The following WDR49 variants were observed in gnomAD, a reference collection of about 807,000 sequenced individuals.
WDR49 encodes the protein WD repeat domain 49.
Under a neutral mutation model 119.5 loss-of-function variants are expected in WDR49, and 107 were observed. That is an observed-to-expected ratio of 0.90 (90% CI 0.77 to 1.05). The LOEUF (loss-of-function observed/expected upper bound fraction) is 1.05. Ranked by LOEUF, WDR49 falls within the 50% of genes least tolerant of loss-of-function variation. The probability of loss-of-function intolerance (pLI) is 0.00; values close to 1 mark genes in which losing one functional copy is unlikely to be tolerated. For synonymous variants in WDR49, 425 were observed against 418.8 expected (o/e 1.01, Z -0.18); for missense variants, 1,240 against 1,220.5 (o/e 1.02, Z -0.24).
chr3:167,536,516 T>TA (rs545491428), intron 11 of WDR49, among the ~76,000 whole-genome samples: 16 of 151,496 alleles, frequency 1.1e-4, no homozygotes, highest in African/African-American at 3.6e-4. Flanking sequence ...CCATCTCTAC[T>TA]AAAAATACAA....
intron 15 of WDR49, among the ~76,000 whole-genome samples, chr3:167,524,510 G>A (rs1320416260): frequency 6.6e-6 from 1 of 152,076 alleles, no homozygotes; most frequent in Non-Finnish European, 1.5e-5. Flanking sequence ...TTTTGCCTAG[G>A]TTTTCTTCTA....
chr3:167,561,444 T>C (rs1713266566), intron 8 of WDR49, among the ~76,000 whole-genome samples: 1 of 152,100 alleles, frequency 6.6e-6, no homozygotes. Context: ...ACAGGTGATT[T>C]AAATTTACAG....
chr3:167,481,028 C>T (rs1442249598), intron 18 of WDR49, among the ~76,000 whole-genome samples: 1 of 150,866 alleles, frequency 6.6e-6, no homozygotes, highest in Non-Finnish European at 1.5e-5. Context: ...GATCTCACAT[C>T]CCAGCCTCTT....
At chr3:167,489,513 T>G (rs1336027344) in intron 18 of WDR49, among the ~76,000 whole-genome samples, 1 of 152,104 alleles carries the variant, frequency 6.6e-6, no homozygotes, top group East Asian at 1.9e-4. Flanking sequence ...CACTTCACTT[T>G]ATAGTTGGCT....
chr3:167,554,184 C>T (rs1340708692), intron 10 of WDR49, among the ~76,000 whole-genome samples: 1 of 151,940 alleles, frequency 6.6e-6, no homozygotes, highest in African/African-American at 2.4e-5. Flanking sequence ...AAATGCTCCT[C>T]GAGAAGAGTA....
intron 10 of WDR49, among the ~76,000 whole-genome samples, chr3:167,549,477 T>G (rs992009218): frequency 3.3e-5 from 5 of 152,186 alleles, no homozygotes; most frequent in African/African-American, 1.2e-4. Flanking sequence ...GTCTGTTGGC[T>G]GCATAAATGT....
chr3:167,529,404 ACG>A (rs1424055309), intron 13 of WDR49, among the ~76,000 whole-genome samples, 165 bp from the exon 14 acceptor site: 1 of 152,144 alleles, frequency 6.6e-6, no homozygotes, highest in Non-Finnish European at 1.5e-5. Flanking sequence ...AATGGAGGTG[ACG>A]CTATGATAAC....
intron 18 of WDR49, among the ~76,000 whole-genome samples, chr3:167,488,805 C>G (rs887923130): frequency 6.6e-6 from 1 of 152,062 alleles, no homozygotes; most frequent in Non-Finnish European, 1.5e-5. Context: ...CATGACATGA[C>G]CCCTGAGCCC....
At chr3:167,570,973 C>T (rs1396429315) in intron 8 of WDR49, among the ~76,000 whole-genome samples, 4 of 148,456 alleles carry the variant, frequency 2.7e-5, no homozygotes, top group African/African-American at 5.0e-5. Context: ...TGCGGTGAGC[C>T]GAGATAGCAC....
chr3:167,595,471 C>T (rs1485175042), intron 7 of WDR49, among the ~76,000 whole-genome samples: 2 of 152,180 alleles, frequency 1.3e-5, no homozygotes, highest in Non-Finnish European at 2.9e-5. Context: ...TCAAACTATA[C>T]TACAAGGCTA....
rs564793699 is a variant in WDR49 at position 167,623,875 on chromosome 3, C to T, written c.607-2232G>A. On this transcript the variant is annotated intron_variant, in intron 3 of 18. Transcript: ENST00000682715. ...TTCAGAAAGATGCAGAATATATTAT[C>T]GTTTTTGAAAAATCTATTGTATTTC... Among the ~76,000 whole-genome samples, 5 of 152,012 alleles carry T rather than the reference C, an allele frequency of 3.3e-5. No individual in the cohort carries two copies. The East Asian group carries it at 5.8e-4, about 18-fold the overall frequency.
At chr3:167,629,574 A>G (rs2108329352) in intron 2 of WDR49, among the ~76,000 whole-genome samples, 1 of 152,264 alleles carries the variant, frequency 6.6e-6, no homozygotes, top group South Asian at 2.1e-4. Flanking sequence ...TTTATATGGT[A>G]TAGCTGCCAT....
intron 2 of WDR49, among the ~76,000 whole-genome samples, chr3:167,637,487 G>A (rs1445245777): frequency 6.6e-6 from 1 of 151,662 alleles, no homozygotes; most frequent in Non-Finnish European, 1.5e-5. Flanking sequence ...CTCTTTTTTG[G>A]TTCCATATTA....
chr3:167,493,985 A>G (rs1012979761), intron 18 of WDR49, among the ~76,000 whole-genome samples: 1 of 152,180 alleles, frequency 6.6e-6, no homozygotes, highest in Non-Finnish European at 1.5e-5. Context: ...TTCATCTCTT[A>G]TTGGGCACAT....
chr3:167,552,207 T>C (rs1423946663), intron 10 of WDR49, among the ~76,000 whole-genome samples: 1 of 151,728 alleles, frequency 6.6e-6, no homozygotes, highest in Non-Finnish European at 1.5e-5. Context: ...CTCTGAAAGG[T>C]TTTAAGCAAG....
intron 16 of WDR49, among the ~76,000 whole-genome samples, chr3:167,519,644 G>A (rs892464120): frequency 2.0e-5 from 3 of 150,334 alleles, no homozygotes; most frequent in Admixed American, 2.0e-4. Flanking sequence ...AGGGGTGGGG[G>A]ATGGGGGAGG....
intron 16 of WDR49, among the ~76,000 whole-genome samples, chr3:167,519,553 A>T (rs576443757): frequency 1.3e-4 from 20 of 151,738 alleles, no homozygotes; most frequent in African/African-American, 4.6e-4. Context: ...AAAACATCAC[A>T]TGTTCTCACT....
At chr3:167,525,998 G>A (rs774326998) in intron 15 of WDR49, among the ~76,000 whole-genome samples, 4 of 151,012 alleles carry the variant, frequency 2.6e-5, no homozygotes, top group Non-Finnish European at 4.4e-5. Flanking sequence ...AAGACAGCTT[G>A]ATAAAAGTCA....
At chr3:167,519,506 C>A (rs558157713) in intron 16 of WDR49, among the ~76,000 whole-genome samples, 4 of 152,066 alleles carry the variant, frequency 2.6e-5, no homozygotes, top group East Asian at 3.9e-4. Context: ...GAGCTGGAAG[C>A]CATTATCCTC....
Sources: gnomAD v4.1 joint callset for allele counts (sites outside exome capture counted in the v4.1 genomes callset) on GRCh38, gnomAD v4.1.1 for gene constraint, MANE v1.5 for transcripts, NCBI Gene and HGNC (gene_info 2026-07-23, HGNC 2026-07-21) for gene names.